The following CTNNA2 variants were observed in gnomAD, a reference collection of about 807,000 sequenced individuals.
CTNNA2 encodes the protein catenin alpha 2, also known as catenin alpha-2.
CTNNA2 carries 42 observed loss-of-function variants against 101.0 expected under a neutral mutation model. The observed-to-expected ratio is 0.42, with a 90% confidence interval of 0.32 to 0.54. The LOEUF is 0.54. Among genes scored for constraint, CTNNA2 ranks in the 20% least tolerant of loss-of-function variants. CTNNA2 has a pLI of 0.14. For synonymous variants in CTNNA2, 450 were observed against 456.4 expected, an observed-to-expected ratio of 0.99 and a Z score of 0.18; for missense variants, 871 against 1,223.1, an observed-to-expected ratio of 0.71 and a Z score of 4.29.
intron 1 of CTNNA2, among the ~76,000 whole-genome samples, chr2:79,589,815 C>T (rs1676732133): frequency 6.6e-6 from 1 of 151,520 alleles, no homozygotes; most frequent in African/African-American, 2.4e-5. Flanking sequence ...GTGAAGTTTA[C>T]TATCGCACCA....
chr2:79,785,133 C>T (rs1034263365), intron 3 of CTNNA2, among the ~76,000 whole-genome samples: 3 of 152,266 alleles, frequency 2.0e-5, no homozygotes, highest in Non-Finnish European at 4.4e-5. Flanking sequence ...CCATGCTCTC[C>T]TCAGTGTGTA....
At chr2:79,545,628 T>TA (rs913256635) in intron 1 of CTNNA2, among the ~76,000 whole-genome samples, 1 of 151,972 alleles carries the variant, frequency 6.6e-6, no homozygotes, top group African/African-American at 2.4e-5. Context: ...TTTCTTTTTT[T>TA]AAAAAAAATA....
At chr2:79,788,465 ATATC>A (rs936844748) in intron 3 of CTNNA2, among the ~76,000 whole-genome samples, 2 of 152,162 alleles carry the variant, frequency 1.3e-5, no homozygotes, top group African/African-American at 4.8e-5. Context: ...TCAGTTATAA[ATATC>A]TATGAGAAAT....
intron 7 of CTNNA2, among the ~76,000 whole-genome samples, chr2:80,199,597 C>T (rs1214833369): frequency 6.6e-6 from 1 of 152,144 alleles, no homozygotes; most frequent in Non-Finnish European, 1.5e-5. Context: ...AGGGAAAGGG[C>T]AGTACATTTC....
chr2:79,376,805 G>A (rs1364917220), intron 4 of CTNNA2, among the ~76,000 whole-genome samples: 1 of 152,130 alleles, frequency 6.6e-6, no homozygotes, highest in Non-Finnish European at 1.5e-5. Context: ...TCCCTACAAA[G>A]TACATGACCT....
chr2:80,308,146 G>A (rs1295710055), intron 7 of CTNNA2, among the ~76,000 whole-genome samples: 1 of 151,930 alleles, frequency 6.6e-6, no homozygotes, highest in East Asian at 1.9e-4. Context: ...GAGTGGGGGA[G>A]TAACATACAA....
At chr2:79,457,477 A>G (rs1670838109) in intron 4 of CTNNA2, among the ~76,000 whole-genome samples, 1 of 152,238 alleles carries the variant, frequency 6.6e-6, no homozygotes, top group African/African-American at 2.4e-5. Context: ...GATTATAAAT[A>G]TAAGTGGGTC....
At chr2:80,018,640 G>A (rs1694321057) in intron 7 of CTNNA2, among the ~76,000 whole-genome samples, 1 of 152,036 alleles carries the variant, frequency 6.6e-6, no homozygotes, top group Non-Finnish European at 1.5e-5. Flanking sequence ...AATTAGCCGG[G>A]CGTGGTGGCA....
At chr2:79,390,355 A>G (rs757268658) in intron 4 of CTNNA2, among the ~76,000 whole-genome samples, 1 of 152,234 alleles carries the variant, frequency 6.6e-6, no homozygotes, top group Non-Finnish European at 1.5e-5. Context: ...TCTTTGTGAC[A>G]TATGAATTCA....
intron 7 of CTNNA2, among the ~76,000 whole-genome samples, chr2:79,950,315 G>C (rs1009184035): frequency 6.6e-6 from 1 of 152,160 alleles, no homozygotes; most frequent in Non-Finnish European, 1.5e-5. Flanking sequence ...TCAATAGTGT[G>C]GTAAATGTAA....
chr2:80,002,419 A>C (rs913044195), intron 7 of CTNNA2, among the ~76,000 whole-genome samples: 1 of 152,196 alleles, frequency 6.6e-6, no homozygotes, highest in African/African-American at 2.4e-5. Context: ...AGTTTGACCA[A>C]GTGGAAAATG....
chr2:80,105,091 G>A (rs574078441), intron 7 of CTNNA2, among the ~76,000 whole-genome samples: 81 of 152,266 alleles, frequency 5.3e-4, no homozygotes, highest in Middle Eastern at 3.4e-3. Context: ...TAATGGGACC[G>A]TCAGGACCAG....
chr2:79,903,850 G>C (rs1685233549), intron 6 of CTNNA2, among the ~76,000 whole-genome samples: 2 of 152,122 alleles, frequency 1.3e-5, no homozygotes, highest in Non-Finnish European at 2.9e-5. Flanking sequence ...GTGATTGACT[G>C]GCGCTGCCTG....
chr2:80,124,390 TG>T (rs1201065516), intron 7 of CTNNA2, among the ~76,000 whole-genome samples: 3 of 152,162 alleles, frequency 2.0e-5, no homozygotes, highest in Admixed American at 1.3e-4. Flanking sequence ...AGATACTTTT[TG>T]TCCCCATTTT....
rs778795749 is a variant in CTNNA2, at chr2:79,651,551, G to A, written c.-5-1G>A. 1 of 1,613,154 alleles carries A rather than the reference G, an allele frequency of 6.2e-7. No individual in the cohort carries two copies. ...CTAACTGATTACATGTGTTCCCATA[G>A]GGAGCATGACTTCGGCAACTTCACC... On this transcript the variant is annotated splice_acceptor_variant, in intron 1 of 18. Coordinates refer to ENST00000402739, the MANE Select transcript of CTNNA2 (RefSeq NM_001282597.3). LOFTEE classifies it low-confidence loss of function (5UTR_SPLICE).
chr2:80,589,979 T>C (rs1696323625), intron 15 of CTNNA2, among the ~76,000 whole-genome samples: 1 of 152,140 alleles, frequency 6.6e-6, no homozygotes, highest in Non-Finnish European at 1.5e-5. Context: ...AAGCTCACAT[T>C]TTATTCTTAC....
chr2:80,594,855 C>T (rs1304831031), intron 15 of CTNNA2, among the ~76,000 whole-genome samples: 2 of 151,900 alleles, frequency 1.3e-5, no homozygotes, highest in South Asian at 2.1e-4. Flanking sequence ...TTCTGAACTC[C>T]ATTCTATTCC....
chr2:79,835,036 CA>C (rs1679217003), intron 3 of CTNNA2, among the ~76,000 whole-genome samples: 1 of 151,904 alleles, frequency 6.6e-6, no homozygotes, highest in Non-Finnish European at 1.5e-5. Context: ...ATATGTATAC[CA>C]CTTTGATTTA....
chr2:80,600,338 A>G (rs216649), intron 15 of CTNNA2, among the ~76,000 whole-genome samples: 82,863 of 151,658 alleles, frequency 0.55, 22,905 homozygotes, highest in East Asian at 0.62. Context: ...AAGCACAAAC[A>G]GTAGTGTAAA....
Sources: allele counts gnomAD v4.1 joint callset (sites outside exome capture counted in the v4.1 genomes callset), GRCh38; gene constraint gnomAD v4.1.1; transcripts MANE v1.5; gene names NCBI Gene and HGNC (gene_info 2026-07-23, HGNC 2026-07-21).